Variants in ARL6IP6 observed in about 807,000 individuals in gnomAD.
ARL6IP6 encodes ARF like GTPase 6 interacting protein 6.
In ARL6IP6, 22 loss-of-function variants were observed where a neutral mutation model predicts 21.5. The observed-to-expected ratio is 1.02, with a 90% CI of 0.73 to 1.46. The LOEUF (loss-of-function observed/expected upper bound fraction) is 1.46, where lower values mean the gene tolerates loss of function less well. Ranked by LOEUF, ARL6IP6 falls within the 40% of genes most tolerant of loss-of-function variation. The pLI, the probability that ARL6IP6 is intolerant of heterozygous loss-of-function variation, is 0.00. For missense variants in ARL6IP6, 388 were observed against 299.8 expected, an observed-to-expected ratio of 1.29 and a Z score of -2.17; for synonymous variants, 164 against 125.3, an observed-to-expected ratio of 1.31 and a Z score of -2.06.
chr2:152,720,511 A>G (rs1699736405), intron 1 of ARL6IP6, 22 bp from the exon 2 acceptor site: 3 of 1,609,340 alleles, frequency 1.9e-6, no homozygotes, highest in Middle Eastern at 3.3e-4. Context: ...TTTCCTACCT[A>G]AGTCCCTCTT....
chr2:152,734,974 C>T lies in ARL6IP6; in HGVS notation c.455-20C>T. 1.9e-6 allele frequency: 3 copies of T among 1,601,354 alleles called. No homozygotes were observed. The highest frequency in any genetic ancestry group is 1.3e-5 in the African/African-American group (1 of 74,466). On this transcript the variant is annotated intron_variant, in intron 2 of 3. Coordinates refer to ENST00000326446, the MANE Select transcript of ARL6IP6 (RefSeq NM_152522.7). ...TTTGGTGTTAATAATGTACTTTTTC[C>T]CCTCTCTTTTCCTGTTAAGGATTCT...
chr2:152,750,556 C>T (rs1353228453), intron 3 of ARL6IP6, among the ~76,000 whole-genome samples: 2 of 151,386 alleles, frequency 1.3e-5, no homozygotes, highest in Admixed American at 6.6e-5. Flanking sequence ...ATAGAAGCGA[C>T]CTTAGGTTCA....
chr2:152,746,001 C>CTTTTGTTTTTTTTTT (rs1701026885), intron 3 of ARL6IP6, among the ~76,000 whole-genome samples: 1 of 66,380 alleles, frequency 1.5e-5, no homozygotes, highest in Non-Finnish European at 2.4e-5. Flanking sequence ...TGCTTTGTAC[C>CTTTTGTTTTTTTTTT]TTTTTTTTTT....
At chr2:152,731,013 T>G (rs1700284966) in intron 2 of ARL6IP6, among the ~76,000 whole-genome samples, 1 of 152,166 alleles carries the variant, frequency 6.6e-6, no homozygotes, top group African/African-American at 2.4e-5. Context: ...CCCCTCACTC[T>G]CTCCCTGTTC....
intron 2 of ARL6IP6, among the ~76,000 whole-genome samples, chr2:152,727,883 ATGAT>A: frequency 6.6e-6 from 1 of 151,564 alleles, no homozygotes; most frequent in South Asian, 2.1e-4. Flanking sequence ...TCATCAGTGT[ATGAT>A]TGTATTGTAT....
intron 3 of ARL6IP6, among the ~76,000 whole-genome samples, chr2:152,736,199 A>G (rs1299723841): frequency 6.6e-6 from 1 of 152,198 alleles, no homozygotes; most frequent in African/African-American, 2.4e-5. Flanking sequence ...TAACATTACA[A>G]TGCCATCCCG....
At chr2:152,737,017 GC>G (rs1222760434) in intron 3 of ARL6IP6, among the ~76,000 whole-genome samples, 1 of 152,122 alleles carries the variant, frequency 6.6e-6, no homozygotes, top group Non-Finnish European at 1.5e-5. Flanking sequence ...TACAGTCACA[GC>G]CCTCTATTGG....
intron 3 of ARL6IP6, among the ~76,000 whole-genome samples, chr2:152,750,408 G>A (rs1167505365): frequency 2.0e-5 from 3 of 151,428 alleles, no homozygotes; most frequent in Non-Finnish European, 4.4e-5. Context: ...CCTGAAAGGC[G>A]GAGGTTGCAG....
At chr2:152,734,119 A>C (rs866265296) in intron 2 of ARL6IP6, among the ~76,000 whole-genome samples, 19 of 152,220 alleles carry the variant, frequency 1.2e-4, no homozygotes, top group Admixed American at 1.1e-3. Context: ...ATAGTATCCA[A>C]AAACCTTTAA....
At chr2:152,730,992 T>C (rs1700283132) in intron 2 of ARL6IP6, among the ~76,000 whole-genome samples, 1 of 152,208 alleles carries the variant, frequency 6.6e-6, no homozygotes, top group Non-Finnish European at 1.5e-5. Flanking sequence ...TCTTTCTCAC[T>C]TGTCGATAAG....
chr2:152,761,796 C>T lies in ARL6IP6; in HGVS notation c.*1956C>T, dbSNP rs1043606116. 4.6e-5 allele frequency among the ~76,000 whole-genome samples: 7 copies of T among 152,052 alleles called. No individual in the cohort carries two copies. Among genetic ancestry groups the T allele is most frequent in the African/African-American group, 1.7e-4 (7 of 41,388 alleles). On this transcript the variant is annotated 3_prime_UTR_variant, in exon 4 of 4. Transcript: ENST00000326446. ...AGCCTAGGTGTGTAGTAGGCTATAC[C>T]ATCTAGGTTTGTGTAAGTATACTCT...
intron 2 of ARL6IP6, among the ~76,000 whole-genome samples, chr2:152,732,839 T>C (rs1240354179): frequency 6.6e-6 from 1 of 152,178 alleles, no homozygotes; most frequent in Non-Finnish European, 1.5e-5. Flanking sequence ...ATGTAAATAG[T>C]TGTTATACTG....
chr2:152,753,805 T>C (rs1235505918), intron 3 of ARL6IP6, among the ~76,000 whole-genome samples: 1 of 150,966 alleles, frequency 6.6e-6, no homozygotes, highest in Non-Finnish European at 1.5e-5. Context: ...GTTCACACCA[T>C]TCTGCCTCAG....
chr2:152,729,796 T>C (rs889619723), intron 2 of ARL6IP6, among the ~76,000 whole-genome samples: 3 of 152,252 alleles, frequency 2.0e-5, no homozygotes, highest in African/African-American at 7.2e-5. Context: ...CACCAGACTC[T>C]TAGCTGATCA....
chr2:152,759,896 C>A lies in ARL6IP6; in HGVS notation c.*56C>A. ...CTTAATCATGATTGTTTTGTAATAA[C>A]AAGAAGGAGCATCACTGTCTACTCA... is the stretch of plus-strand genomic sequence containing the variant. On this transcript the variant is annotated 3_prime_UTR_variant, in exon 4 of 4. Coordinates refer to ENST00000326446, the MANE Select transcript of ARL6IP6 (RefSeq NM_152522.7). 1.4e-6 allele frequency: 2 copies of A among 1,415,608 alleles called. No homozygotes were observed. The highest frequency in any genetic ancestry group is 2.0e-6 in the Non-Finnish European group (2 of 1,001,856). 87.7% of individuals were successfully genotyped at this position (1,415,608 alleles called of 1,614,324 possible).
At chr2:152,718,165 G>C (rs1299818465), upstream of ARL6IP6, 25 of 708,392 alleles carry the variant, frequency 3.5e-5, no homozygotes, top group Non-Finnish European at 4.0e-5. Flanking sequence ...GAGTGTGAGC[G>C]TAGTGGGGAA....
chr2:152,731,689 TAA>T, intron 2 of ARL6IP6, among the ~76,000 whole-genome samples: 1 of 152,288 alleles, frequency 6.6e-6, no homozygotes, highest in African/African-American at 2.4e-5. Context: ...TCAAAAAGTG[TAA>T]AAGAGTATAG....
chr2:152,718,471 T>C, upstream of ARL6IP6: 1 of 1,144,906 alleles, frequency 8.7e-7, no homozygotes, highest in Non-Finnish European at 1.2e-6. Flanking sequence ...TGCGGCTTCC[T>C]TTGCAACCCG....
At chr2:152,750,417 A>G (rs1374252851) in intron 3 of ARL6IP6, among the ~76,000 whole-genome samples, 2 of 150,386 alleles carry the variant, frequency 1.3e-5, no homozygotes, top group African/African-American at 4.9e-5. Context: ...CGGAGGTTGC[A>G]GTGAGCCAAG....
Sources: allele counts gnomAD v4.1 joint callset (sites outside exome capture counted in the v4.1 genomes callset), GRCh38; gene constraint gnomAD v4.1.1; transcripts MANE v1.5; gene names NCBI Gene and HGNC (gene_info 2026-07-23, HGNC 2026-07-21).